The following RARB variants were observed in gnomAD, a reference collection of about 807,000 sequenced individuals.
RARB encodes retinoic acid receptor beta.
A neutral mutation model predicts 51.9 loss-of-function variants in RARB; 17 were observed. The ratio of observed to expected loss-of-function variants is 0.33; its 90% CI spans 0.22 to 0.49. RARB has a LOEUF of 0.49. Ranked by LOEUF, RARB falls within the 20% of genes least tolerant of loss-of-function variation. The pLI is 0.99. For missense variants in RARB, 369 were observed against 550.8 expected (o/e 0.67, Z 3.30); for synonymous variants, 215 against 195.4 (o/e 1.10, Z -0.84).
intron 2 of RARB, among the ~76,000 whole-genome samples, chr3:24,919,339 A>T (rs1470473646): frequency 6.6e-6 from 1 of 152,138 alleles, no homozygotes; most frequent in Non-Finnish European, 1.5e-5. Context: ...AGTTCGGCCT[A>T]AAAGTTTCTC....
chr3:25,222,501 C>A (rs921039109), intron 5 of RARB, among the ~76,000 whole-genome samples: 17 of 151,692 alleles, frequency 1.1e-4, no homozygotes, highest in Non-Finnish European at 7.4e-5. Context: ...TGATATAATT[C>A]TCAAATAGAT....
chr3:24,903,504 T>C (rs762192015), intron 2 of RARB, among the ~76,000 whole-genome samples: 1 of 152,160 alleles, frequency 6.6e-6, no homozygotes, highest in Non-Finnish European at 1.5e-5. Context: ...ATAAATATAT[T>C]TAATATTTTC....
At chr3:24,898,719 C>A (rs1337272586) in intron 2 of RARB, among the ~76,000 whole-genome samples, 1 of 152,160 alleles carries the variant, frequency 6.6e-6, no homozygotes, top group African/African-American at 2.4e-5. Context: ...TCCCCTATAG[C>A]GGATATATTG....
In RARB at chr3:25,111,585, T is replaced by TTG. The variant is rs1164578793; in HGVS notation, c.-327-20575_-327-20574insGT. Reference sequence around the variant, plus strand: ...AATGATCTCCGTTTCTAACAGTGGTTTTTTTTTTTTTTTTTTTGAGACGGA... The same window carrying TTG: ...AATGATCTCCGTTTCTAACAGTGGTTTGTTTTTTTTTTTTTTTTTGAGACGGA... On this transcript the variant is annotated intron_variant, in intron 3 of 11. Transcript: ENST00000383772. Among the ~76,000 whole-genome samples the TTG allele has an allele frequency of 4.2e-4, 62 of 146,904 alleles. 1 individual carries two copies. Among genetic ancestry groups the TTG allele is most frequent in the Admixed American group, 1.6e-3 (24 of 14,716 alleles).
intron 5 of RARB, among the ~76,000 whole-genome samples, chr3:25,264,568 A>G (rs1290926174): frequency 3.9e-5 from 6 of 152,196 alleles, no homozygotes; most frequent in African/African-American, 1.4e-4. Context: ...CTTTATTTTC[A>G]GTACAATTTT....
intron 2 of RARB, among the ~76,000 whole-genome samples, chr3:25,472,885 A>G (rs1477280262): frequency 2.0e-5 from 3 of 152,174 alleles, no homozygotes; most frequent in Admixed American, 6.5e-5. Flanking sequence ...ACCCCAGAAA[A>G]TCCCTTTGAA....
intron 2 of RARB, among the ~76,000 whole-genome samples, chr3:25,026,971 G>T (rs1449949470): frequency 1.4e-5 from 2 of 139,682 alleles, no homozygotes; most frequent in African/African-American, 2.7e-5. Context: ...ATCATTTATT[G>T]TAAGTTTATA....
intron 5 of RARB, among the ~76,000 whole-genome samples, chr3:25,192,823 G>T (rs1319431312): frequency 6.6e-6 from 1 of 151,916 alleles, no homozygotes; most frequent in African/African-American, 2.4e-5. Context: ...ACTCATAATT[G>T]GGAGCAGGTG....
At chr3:24,939,741 T>C (rs1041555987) in intron 2 of RARB, among the ~76,000 whole-genome samples, 4 of 152,194 alleles carry the variant, frequency 2.6e-5, no homozygotes, top group African/African-American at 9.6e-5. Context: ...AAACTAACAA[T>C]TACACTCTTC....
chr3:25,275,076 T>A (rs1418345425), intron 5 of RARB, among the ~76,000 whole-genome samples: 1 of 152,242 alleles, frequency 6.6e-6, no homozygotes, highest in Admixed American at 6.5e-5. Flanking sequence ...CATGCTCTTA[T>A]GTGCTGCCCC....
At chr3:25,570,988 G>T (rs1391452773) in intron 4 of RARB, among the ~76,000 whole-genome samples, 1 of 151,786 alleles carries the variant, frequency 6.6e-6, no homozygotes, top group Non-Finnish European at 1.5e-5. Flanking sequence ...AGCAGTTCTT[G>T]GTGAGCATGG....
intron 2 of RARB, among the ~76,000 whole-genome samples, chr3:24,873,361 T>A (rs1247001329): frequency 6.6e-6 from 1 of 152,194 alleles, no homozygotes; most frequent in Non-Finnish European, 1.5e-5. Context: ...GGAATTTCAG[T>A]TCTTCTTGAG....
chr3:25,355,830 T>C (rs1342167356), intron 5 of RARB, among the ~76,000 whole-genome samples: 8 of 152,118 alleles, frequency 5.3e-5, no homozygotes, highest in Non-Finnish European at 1.0e-4. Flanking sequence ...TAATACATAC[T>C]TGGGCCAGAA....
chr3:24,853,791 C>T (rs139922270), intron 1 of RARB, among the ~76,000 whole-genome samples: 2,872 of 152,284 alleles, frequency 0.019, 50 homozygotes, highest in Middle Eastern at 0.031. Flanking sequence ...TCATTGTTGG[C>T]TTTGGGCACA....
intron 3 of RARB, among the ~76,000 whole-genome samples, chr3:25,076,514 A>G (rs1316683454): frequency 6.6e-6 from 1 of 152,200 alleles, no homozygotes; most frequent in Non-Finnish European, 1.5e-5. Flanking sequence ...CTTATTTTCC[A>G]TGAAACTCTT....
At chr3:25,522,639 G>A (rs1365364845) in intron 3 of RARB, among the ~76,000 whole-genome samples, 1 of 152,082 alleles carries the variant, frequency 6.6e-6, no homozygotes, top group East Asian at 1.9e-4. Context: ...GCAGTTTGCA[G>A]GAGGAGCAAA....
intron 2 of RARB, among the ~76,000 whole-genome samples, chr3:25,048,314 C>CTTGGTTGA (rs778012710): frequency 1.8e-4 from 28 of 152,150 alleles, no homozygotes; most frequent in Non-Finnish European, 3.7e-4. Context: ...GGATTTCCTA[C>CTTGGTTGA]TTGGTTGATC....
chr3:24,949,918 C>T (rs1172960973), intron 2 of RARB, among the ~76,000 whole-genome samples: 5 of 152,142 alleles, frequency 3.3e-5, no homozygotes, highest in African/African-American at 7.2e-5. Context: ...AAACTGACAC[C>T]GGATTCTCCA....
intron 2 of RARB, among the ~76,000 whole-genome samples, chr3:25,023,567 C>A (rs1481858148): frequency 1.3e-5 from 2 of 152,116 alleles, no homozygotes; most frequent in Non-Finnish European, 2.9e-5. Context: ...GTCTATCCTT[C>A]CTGTGTACCA....
Sources: gnomAD v4.1 joint callset for allele counts (sites outside exome capture counted in the v4.1 genomes callset) on GRCh38, gnomAD v4.1.1 for gene constraint, MANE v1.5 for transcripts, NCBI Gene and HGNC (gene_info 2026-07-23, HGNC 2026-07-21) for gene names.